Variants in CASK observed in about 807,000 individuals in gnomAD.
CASK encodes peripheral plasma membrane protein CASK.
In CASK, 4 loss-of-function variants were observed where a neutral mutation model predicts 82.9. That is an observed-to-expected ratio of 0.05 (90% confidence interval 0.02 to 0.11). The LOEUF is 0.11. Ranked by LOEUF, CASK falls within the 10% of genes least tolerant of loss-of-function variation. The pLI is 1.00. For missense variants in CASK, 358 were observed against 720.9 expected (o/e 0.50, Z 5.76); for synonymous variants, 259 against 253.5 (o/e 1.02, Z -0.20).
At chrX:41,596,789 C>A (rs1168384610) in intron 12 of CASK, among the ~76,000 whole-genome samples, 3 of 112,115 alleles carry the variant, frequency 2.7e-5, no homozygotes, top group African/African-American at 9.7e-5. Context: ...CTGCTCTCTG[C>A]AAATCTCTGG....
chrX:41,542,439 C>T (rs1338562685), intron 22 of CASK, among the ~76,000 whole-genome samples: 1 of 112,993 alleles, frequency 8.9e-6, no homozygotes, highest in Non-Finnish European at 1.9e-5. Context: ...GTGTTGGATT[C>T]TTTTCATTCC....
At chrX:41,778,521 G>A (rs1418937182) in intron 3 of CASK, among the ~76,000 whole-genome samples, 6 of 111,499 alleles carry the variant, frequency 5.4e-5, no homozygotes, top group East Asian at 2.8e-4. Context: ...GTGAGCCACC[G>A]TGCCTGGCCA....
chrX:41,839,509 G>T (rs1331536742), intron 2 of CASK, among the ~76,000 whole-genome samples: 1 of 108,359 alleles, frequency 9.2e-6, no homozygotes, highest in Non-Finnish European at 1.9e-5. Flanking sequence ...CTTGACAAAC[G>T]CACTCACTAG....
chrX:41,712,360 AAGG>A (rs2067991959), intron 5 of CASK, among the ~76,000 whole-genome samples: 1 of 112,741 alleles, frequency 8.9e-6, no homozygotes. Context: ...AATGAAATTA[AAGG>A]AGAATGCTAG....
chrX:41,875,648 C>T (rs73472547), intron 1 of CASK, among the ~76,000 whole-genome samples: 11,275 of 109,923 alleles, frequency 0.1, 882 homozygotes, highest in African/African-American at 0.27. Flanking sequence ...TGTAACAATG[C>T]TTCTTTAAAA....
chrX:41,922,142 T>C (rs1167802103), intron 1 of CASK, among the ~76,000 whole-genome samples: 2 of 111,923 alleles, frequency 1.8e-5, no homozygotes, highest in Non-Finnish European at 3.8e-5. Context: ...ACTGCAGATT[T>C]AATTCTCAAT....
At chrX:41,586,443 A>G (rs1007674108) in intron 14 of CASK, 2 of 114,562 alleles carry the variant, frequency 1.7e-5, no homozygotes, top group Non-Finnish European at 3.6e-5. Flanking sequence ...TTAGCTTTAT[A>G]TTTGGCTAAA....
chrX:41,824,068 G>A (rs776016436), intron 2 of CASK, among the ~76,000 whole-genome samples: 10 of 111,656 alleles, frequency 9.0e-5, no homozygotes, highest in Non-Finnish European at 1.9e-4. Flanking sequence ...CCCTTTGATA[G>A]TATCCATTTG....
In CASK at chrX:41,637,378, C is replaced by CTTT. The variant is rs758261036; in HGVS notation, c.832-720_832-718dup. On this transcript the variant is annotated intron_variant, in intron 8 of 26. Coordinates refer to ENST00000378163, the MANE Select transcript of CASK (RefSeq NM_001367721.1). ...TACAGACTCTTCTAATTAGGACACG[C>CTTT]TTTTTTTTTTTTTTTTTTTTTTTTT... 1.5e-3 allele frequency among the ~76,000 whole-genome samples: 54 copies of CTTT among 36,900 alleles called. 6 individuals carry two copies. Among genetic ancestry groups the CTTT allele is most frequent in the Non-Finnish European group, 1.9e-3 (43 of 22,911 alleles). The allele number at this position is 36,900 out of a possible 115,157, so 32.0% of individuals were successfully genotyped here. A position where few individuals can be genotyped will look rare whatever the true frequency, so the allele number is the denominator to read the frequency against.
At chrX:41,726,803 T>C (rs1000014335) in intron 5 of CASK, 7 of 275,488 alleles carry the variant, frequency 2.5e-5, no homozygotes, top group African/African-American at 1.7e-4. Context: ...AATAAGTAAC[T>C]TTTTGTCTTT....
At chrX:41,752,409 G>C (rs1258884939) in intron 3 of CASK, among the ~76,000 whole-genome samples, 1 of 109,886 alleles carries the variant, frequency 9.1e-6, no homozygotes, top group Non-Finnish European at 1.9e-5. Context: ...TTCTGCGTCA[G>C]CCTCCCGAGT....
intron 9 of CASK, among the ~76,000 whole-genome samples, chrX:41,629,765 G>A (rs2066435252): frequency 8.9e-6 from 1 of 111,763 alleles, no homozygotes; most frequent in Non-Finnish European, 1.9e-5. Context: ...CAGTGGGTTG[G>A]ATTTGACCCC....
chrX:41,639,807 CT>C (rs1204299633), intron 8 of CASK, among the ~76,000 whole-genome samples: 2 of 111,703 alleles, frequency 1.8e-5, no homozygotes, highest in African/African-American at 6.5e-5. Context: ...ATTTTCTAGA[CT>C]TTTATATAAA....
intron 1 of CASK, among the ~76,000 whole-genome samples, chrX:41,863,187 G>C (rs993424930): frequency 2.7e-5 from 3 of 112,139 alleles, no homozygotes; most frequent in African/African-American, 9.7e-5. Flanking sequence ...TTATAGATTA[G>C]GAAACTGAGG....
At chrX:41,807,839 T>C (rs1277807834) in intron 2 of CASK, among the ~76,000 whole-genome samples, 1 of 111,411 alleles carries the variant, frequency 9.0e-6, no homozygotes, top group Non-Finnish European at 1.9e-5. Context: ...ACCTAATCAC[T>C]TCTTTATGTA....
At chrX:41,802,170 T>G (rs2070012927) in intron 2 of CASK, among the ~76,000 whole-genome samples, 1 of 111,538 alleles carries the variant, frequency 9.0e-6, no homozygotes, top group Non-Finnish European at 1.9e-5. Context: ...GCAAAGAAAA[T>G]TTCAAAAATA....
At chrX:41,890,728 T>A (rs1026675632) in intron 1 of CASK, among the ~76,000 whole-genome samples, 2 of 111,531 alleles carry the variant, frequency 1.8e-5, no homozygotes, top group Admixed American at 1.9e-4. Context: ...AGAAACCTAA[T>A]GAATGCCTGC....
rs145822029 is a variant in CASK at position 41,535,563 on chromosome X, T to C, written c.2156-590A>G. ...TATTGCACAAGCTTATCAATGAGCA[T>C]CTCACAAGCTTTACTGTAACCCAGA... is the stretch of plus-strand genomic sequence containing the variant. On this transcript the variant is annotated intron_variant, in intron 22 of 26. Transcript: ENST00000378163. Among the ~76,000 whole-genome samples, 160 of 109,990 alleles carry C rather than the reference T, an allele frequency of 1.5e-3. 1 individual carries two copies. The highest frequency in any genetic ancestry group is 4.6e-3 in the Middle Eastern group (1 of 217).
intron 22 of CASK, among the ~76,000 whole-genome samples, chrX:41,535,258 T>G (rs1344280430): frequency 9.0e-6 from 1 of 111,625 alleles, no homozygotes; most frequent in Non-Finnish European, 1.9e-5. Flanking sequence ...TATCTTTTCA[T>G]GTAGTATCCA....
Sources: allele counts gnomAD v4.1 joint callset (sites outside exome capture counted in the v4.1 genomes callset), GRCh38; gene constraint gnomAD v4.1.1; transcripts MANE v1.5; gene names NCBI Gene and HGNC (gene_info 2026-07-23, HGNC 2026-07-21).